AGK: variants seen among roughly 807,000 people sequenced by gnomAD.
AGK encodes the protein acylglycerol kinase, also known as acylglycerol kinase, mitochondrial.
Under a neutral mutation model 66.4 loss-of-function variants are expected in AGK, and 52 were observed. The observed-to-expected ratio is 0.78, with a 90% CI of 0.63 to 0.99. AGK has a LOEUF of 0.99. Ranked by LOEUF, AGK falls within the 50% of genes least tolerant of loss-of-function variation. The pLI is 0.00. For synonymous variants in AGK, 182 were observed against 181.1 expected, an observed-to-expected ratio of 1.00 and a Z score of -0.04; for missense variants, 451 against 506.6, an observed-to-expected ratio of 0.89 and a Z score of 1.05.
intron 2 of AGK, among the ~76,000 whole-genome samples, chr7:141,580,493 C>T (rs1227076301): frequency 6.6e-6 from 1 of 151,816 alleles, no homozygotes; most frequent in African/African-American, 2.4e-5. Flanking sequence ...ATGTGGGAGC[C>T]TGGAATGAAG....
chr7:141,579,291 T>A (rs1795827622), intron 2 of AGK, among the ~76,000 whole-genome samples: 1 of 151,978 alleles, frequency 6.6e-6, no homozygotes, highest in Non-Finnish European at 1.5e-5. Flanking sequence ...TTCTACCTTT[T>A]CTGAAGATTG....
Position 141,622,511 on chromosome 7 carries a change from A to G in AGK, c.588+710A>G, listed in dbSNP as rs372363127. Among the ~76,000 whole-genome samples, 8 of 152,070 alleles carry G rather than the reference A, an allele frequency of 5.3e-5. No homozygotes were observed. The East Asian group carries it at 1.5e-3, about 29-fold the overall frequency. On this transcript the variant is annotated intron_variant, in intron 9 of 15. Transcript: ENST00000649286. Reference sequence around the variant, plus strand: ...TACCTCAACCTTTTTCATCATTACTACATTGTTATGGTGATCTGCTATCGG... The same window carrying G: ...TACCTCAACCTTTTTCATCATTACTGCATTGTTATGGTGATCTGCTATCGG...
At chr7:141,621,961 C>T (rs1796835393) in intron 9 of AGK, among the ~76,000 whole-genome samples, 160 bp downstream of exon 9, 2 of 152,142 alleles carry the variant, frequency 1.3e-5, no homozygotes, top group African/African-American at 2.4e-5. Flanking sequence ...ATAATTTTAC[C>T]TGTTAATTCT....
chr7:141,621,670 C>T, intron 8 of AGK, 62 bp from the exon 9 acceptor site: 2 of 1,033,550 alleles, frequency 1.9e-6, no homozygotes, highest in Non-Finnish European at 1.5e-6. Flanking sequence ...GTGCATGTGG[C>T]AGTGTGGTGG....
rs1263464558 is a variant in AGK at position 141,551,451 on chromosome 7, C to T, written c.-15+17C>T. On this transcript the variant is annotated intron_variant, in intron 1 of 15. Transcript: ENST00000649286. ...CCAGCCGTGGTGAGTGCAGCGGCGC[C>T]CAGGCGGGGAGCGCAGTGCGGGTCG... 1 of 152,990 alleles carries T rather than the reference C, an allele frequency of 6.5e-6. No individual in the cohort carries two copies. The allele number at this position is 152,990 out of a possible 1,614,324, so 9.5% of individuals were successfully genotyped here.
chr7:141,573,931 T>G (rs999685051), intron 2 of AGK, among the ~76,000 whole-genome samples: 1 of 152,192 alleles, frequency 6.6e-6, no homozygotes, highest in African/African-American at 2.4e-5. Context: ...ACCCATTAAC[T>G]CGTCATTTAC....
At chr7:141,632,258 C>T (rs1334009610) in intron 9 of AGK, among the ~76,000 whole-genome samples, 1 of 150,946 alleles carries the variant, frequency 6.6e-6, no homozygotes, top group South Asian at 2.1e-4. Flanking sequence ...AAAAAACCCA[C>T]AAAATTTAAA....
chr7:141,570,741 AC>A (rs1449761529), intron 2 of AGK, among the ~76,000 whole-genome samples: 1 of 152,036 alleles, frequency 6.6e-6, no homozygotes, highest in Non-Finnish European at 1.5e-5. Flanking sequence ...AAAAAAAATC[AC>A]ACTGTCAATG....
At chr7:141,557,905 A>T (rs2116849499) in intron 2 of AGK, among the ~76,000 whole-genome samples, 1 of 152,324 alleles carries the variant, frequency 6.6e-6, no homozygotes, top group East Asian at 1.9e-4. Context: ...CTGCAGTTCG[A>T]TGGTGTTAAG....
chr7:141,577,626 A>G (rs963720213), intron 2 of AGK, among the ~76,000 whole-genome samples: 1 of 152,102 alleles, frequency 6.6e-6, no homozygotes, highest in Non-Finnish European at 1.5e-5. Flanking sequence ...ACTGAATTCC[A>G]GGTTCCGCCC....
At position 141,641,237 on chromosome 7, in the gene AGK, C is replaced by T. The variant is rs768099060; in HGVS notation, c.727-11C>T. 6.3e-7 allele frequency: 1 copy of T among 1,590,490 alleles called. No individual in the cohort carries two copies. The highest frequency in any genetic ancestry group is 1.9e-5 in the Admixed American group (1 of 52,308). On this transcript the variant is annotated splice_polypyrimidine_tract_variant and intron_variant, in intron 11 of 15. Coordinates refer to ENST00000649286, the MANE Select transcript of AGK (RefSeq NM_018238.4). ...ATGCATAACAAAATTTTTCTCTCTC[C>T]ACATTAAAAGGAGTGGCCTCAGACT...
intron 14 of AGK, 101 bp from the exon 15 acceptor site, chr7:141,651,424 T>A: frequency 2.2e-6 from 2 of 911,524 alleles, no homozygotes; most frequent in South Asian, 2.8e-5. Context: ...ATCTGTCCAC[T>A]TATGTAAGCT....
At chr7:141,572,587 T>A (rs542724133) in intron 2 of AGK, among the ~76,000 whole-genome samples, 35 of 152,260 alleles carry the variant, frequency 2.3e-4, no homozygotes, top group Middle Eastern at 3.4e-3. Flanking sequence ...GTGCTCAGCT[T>A]ATAGTTATCC....
At position 141,649,216 on chromosome 7, in the gene AGK, T is replaced by G. The variant is rs73171604; in HGVS notation, c.976-47T>G. The G allele has an allele frequency of 0.014, 19,575 of 1,371,046 alleles. 213 individuals are homozygous for G. Among genetic ancestry groups the G allele is most frequent in the Non-Finnish European group, 0.018 (16,934 of 959,636 alleles). 84.9% of individuals were successfully genotyped at this position (1,371,046 alleles called of 1,614,324 possible). A position where few individuals can be genotyped will look rare whatever the true frequency, so the allele number is the denominator to read the frequency against. On this transcript the variant is annotated intron_variant, in intron 13 of 15. Transcript: ENST00000649286. ...AGCTGAGGATGACAACAGGCTGCAT[T>G]AGCCAAATTTTAAGAGTAATGACGT...
intron 9 of AGK, among the ~76,000 whole-genome samples, chr7:141,631,902 G>C (rs771073594): frequency 7.9e-5 from 12 of 152,110 alleles, no homozygotes; most frequent in Non-Finnish European, 1.2e-4. Flanking sequence ...TCAAATGTTA[G>C]TGCATCATTG....
At chr7:141,575,239 A>G (rs1795709138) in intron 2 of AGK, among the ~76,000 whole-genome samples, 1 of 152,212 alleles carries the variant, frequency 6.6e-6, no homozygotes, top group African/African-American at 2.4e-5. Context: ...GAGGGGGAAA[A>G]TGCCATGTTG....
chr7:141,613,299 A>G (rs1796635204), intron 6 of AGK, among the ~76,000 whole-genome samples: 1 of 152,230 alleles, frequency 6.6e-6, no homozygotes, highest in Middle Eastern at 3.2e-3. Flanking sequence ...AGGGAAATAT[A>G]TCAAATATAA....
intron 2 of AGK, among the ~76,000 whole-genome samples, chr7:141,562,267 G>A (rs1000188305): frequency 6.6e-6 from 1 of 152,312 alleles, no homozygotes; most frequent in Non-Finnish European, 1.5e-5. Context: ...CATGAGTTGC[G>A]GTAATGTCCT....
chr7:141,605,950 A>C (rs1224995426), intron 5 of AGK, among the ~76,000 whole-genome samples: 3 of 152,210 alleles, frequency 2.0e-5, no homozygotes, highest in African/African-American at 7.2e-5. Context: ...GAGTTTTTAC[A>C]CATAGATCAG....
Sources: gnomAD v4.1 joint callset for allele counts (sites outside exome capture counted in the v4.1 genomes callset) on GRCh38, gnomAD v4.1.1 for gene constraint, MANE v1.5 for transcripts, NCBI Gene and HGNC (gene_info 2026-07-23, HGNC 2026-07-21) for gene names.